TENM4: variants seen among roughly 807,000 people sequenced by gnomAD.
TENM4 encodes teneurin-4.
TENM4 carries 82 observed loss-of-function variants against 243.3 expected under a neutral mutation model. The ratio of observed to expected loss-of-function variants is 0.34; its 90% CI spans 0.28 to 0.40. The LOEUF is 0.40. Ranked by LOEUF, TENM4 falls within the 10% of genes least tolerant of loss-of-function variation. TENM4 has a pLI of 1.00. For synonymous variants in TENM4, 1,412 were observed against 1,456.3 expected, an observed-to-expected ratio of 0.97 and a Z score of 0.69; for missense variants, 3,138 against 3,673.3, an observed-to-expected ratio of 0.85 and a Z score of 3.77.
chr11:78,958,588 G>A (rs1420614545), intron 6 of TENM4, among the ~76,000 whole-genome samples: 2 of 152,206 alleles, frequency 1.3e-5, no homozygotes, highest in Non-Finnish European at 2.9e-5. Context: ...GGTCCTCTTT[G>A]CACTTTACAT....
At chr11:79,000,769 G>C (rs1446413728) in intron 6 of TENM4, among the ~76,000 whole-genome samples, 1 of 152,248 alleles carries the variant, frequency 6.6e-6, no homozygotes, top group Non-Finnish European at 1.5e-5. Context: ...AGCGGCTCAT[G>C]CCTGTAATCC....
intron 18 of TENM4, among the ~76,000 whole-genome samples, chr11:78,760,505 C>T (rs956326068): frequency 6.6e-6 from 1 of 152,210 alleles, no homozygotes. Flanking sequence ...GCGTGAAGCA[C>T]AAAACTTCCC....
chr11:79,106,549 T>C lies in TENM4; in HGVS notation c.-65-36540A>G, dbSNP rs1180861367. 2.6e-5 allele frequency among the ~76,000 whole-genome samples: 4 copies of C among 152,218 alleles called. No individual in the cohort carries two copies. In the East Asian group the frequency reaches 7.7e-4, roughly 29 times the overall value. On this transcript the variant is annotated intron_variant, in intron 4 of 33. Transcript: ENST00000278550. ...AAAGAGCTAAGCAGTGCCTGCCACA[T>C]AGTAGGTGCTTGACAGACGTCGGTC... is the stretch of plus-strand genomic sequence containing the variant.
chr11:79,066,939 G>A (rs1860275813), intron 5 of TENM4, among the ~76,000 whole-genome samples: 1 of 152,216 alleles, frequency 6.6e-6, no homozygotes, highest in African/African-American at 2.4e-5. Context: ...GGCTGGGACA[G>A]CCTTGATGCC....
intron 1 of TENM4, among the ~76,000 whole-genome samples, chr11:79,375,885 A>T (rs530572371): frequency 2.0e-5 from 3 of 152,312 alleles, no homozygotes; most frequent in Admixed American, 2.0e-4. Flanking sequence ...GGCAGTAGGA[A>T]GTTTAGCATT....
intron 3 of TENM4, among the ~76,000 whole-genome samples, chr11:79,204,598 G>T (rs146486546): frequency 1.3e-5 from 2 of 152,262 alleles, no homozygotes; most frequent in East Asian, 3.9e-4. Context: ...TTACCACAAT[G>T]GCAAAAATGC....
chr11:79,064,878 T>C lies in TENM4; in HGVS notation c.353A>G (p.Glu118Gly). 2 of 1,550,290 alleles carry C rather than the reference T, an allele frequency of 1.3e-6. No individual in the cohort carries two copies. Among genetic ancestry groups the C allele is most frequent in the African/African-American group, 1.4e-5 (1 of 73,124 alleles). The part of the protein sequence containing the change: ...SMGAGSDADM[E>G]ADTVLSPEHP... ...CTCAGGGGACAGCACCGTGTCAGCC[T>C]CCATGTCGGCATCAGAGCCAGCCCC... is the stretch of plus-strand genomic sequence containing the variant. Residue 118 changes from glutamate (E) to glycine (G), a missense_variant, in exon 6 of 34, where the codon GAG (glutamate) becomes GGG (glycine). Physicochemically the swap from Glu to Gly is moderately conservative, Grantham distance 98. This residue lies in a region of TENM4 where 671 missense variants were observed against 614.1 expected (regional missense o/e 1.09). Transcript: ENST00000278550.
chr11:79,265,541 CCT>C (rs1491477339), intron 2 of TENM4, among the ~76,000 whole-genome samples: 5 of 80,264 alleles, frequency 6.2e-5, no homozygotes, highest in South Asian at 3.5e-4. Flanking sequence ...ATTAATTTCC[CCT>C]GTTTCTGTTC....
chr11:78,799,690 T>A (rs988400789), intron 15 of TENM4, among the ~76,000 whole-genome samples: 2 of 152,212 alleles, frequency 1.3e-5, no homozygotes, highest in African/African-American at 4.8e-5. Flanking sequence ...ACGTGTTACC[T>A]CCAAACCTGT....
intron 15 of TENM4, among the ~76,000 whole-genome samples, chr11:78,789,105 C>T (rs75090257): frequency 2.6e-5 from 4 of 152,286 alleles, no homozygotes; most frequent in East Asian, 1.9e-4. Flanking sequence ...ACCTCCATCC[C>T]GGGTACCAAG....
intron 6 of TENM4, among the ~76,000 whole-genome samples, chr11:79,030,627 G>A (rs1859204423): frequency 6.6e-6 from 1 of 152,070 alleles, no homozygotes; most frequent in Non-Finnish European, 1.5e-5. Flanking sequence ...CAAGCAGAGT[G>A]AAGCCGTGTG....
rs1332782245 is a variant in TENM4 at position 79,164,122 on chromosome 11, AT to A, written c.-162-15317del. 2.2e-4 allele frequency among the ~76,000 whole-genome samples: 19 copies of A among 85,136 alleles called. No individual in the cohort carries two copies. In the South Asian group the frequency reaches 2.8e-3, roughly 13 times the overall value. The allele number at this position is 85,136 out of a possible 152,430, so 55.9% of individuals were successfully genotyped here. A position where few individuals can be genotyped will look rare whatever the true frequency, so the allele number is the denominator to read the frequency against. ...ATAGTATATATACACTATATATACT[AT>A]GTATATATAGTATATATGTATATAT... is the stretch of plus-strand genomic sequence containing the variant. On this transcript the variant is annotated intron_variant, in intron 3 of 33. Coordinates refer to ENST00000278550, the MANE Select transcript of TENM4 (RefSeq NM_001098816.3).
At chr11:79,413,689 G>T (rs1377354551) in intron 1 of TENM4, among the ~76,000 whole-genome samples, 1 of 152,056 alleles carries the variant, frequency 6.6e-6, no homozygotes, top group East Asian at 1.9e-4. Flanking sequence ...GAAAAAAAAA[G>T]CCATAAAAAC....
At chr11:79,032,302 T>C (rs1468796563) in intron 6 of TENM4, among the ~76,000 whole-genome samples, 2 of 152,110 alleles carry the variant, frequency 1.3e-5, no homozygotes, top group African/African-American at 4.8e-5. Context: ...CCCTTTAGCC[T>C]TCTGGAATTT....
intron 1 of TENM4, among the ~76,000 whole-genome samples, chr11:79,425,975 T>C (rs7930347): frequency 0.62 from 94,347 of 152,006 alleles, 29,366 homozygotes; most frequent in Non-Finnish European, 0.64. Context: ...TGCACAAACA[T>C]GTGCCAAAAT....
intron 1 of TENM4, among the ~76,000 whole-genome samples, chr11:79,399,205 A>C (rs1858406554): frequency 6.6e-6 from 1 of 152,222 alleles, no homozygotes; most frequent in African/African-American, 2.4e-5. Context: ...CAATTTCCTG[A>C]AGGCAAGCCA....
intron 16 of TENM4, among the ~76,000 whole-genome samples, chr11:78,780,783 T>C (rs1856824909): frequency 6.6e-6 from 1 of 152,234 alleles, no homozygotes; most frequent in Non-Finnish European, 1.5e-5. Context: ...ATGTTTTTGA[T>C]ACCTTTAAAA....
At chr11:79,368,741 A>T (rs1294619984) in intron 1 of TENM4, among the ~76,000 whole-genome samples, 1 of 152,234 alleles carries the variant, frequency 6.6e-6, no homozygotes, top group Non-Finnish European at 1.5e-5. Context: ...TGAATAATGC[A>T]GATAAGGAGT....
rs535024052 is a variant in TENM4, at chr11:78,853,534, A to G, written c.1681+570T>C. On this transcript the variant is annotated intron_variant, in intron 12 of 33. Coordinates refer to ENST00000278550, the MANE Select transcript of TENM4 (RefSeq NM_001098816.3). ...TAAGCACTCATTTATTTCGCACATC[A>G]GGGCCCACTCTTTGTCAGAGATTAG... 2.6e-5 allele frequency among the ~76,000 whole-genome samples: 4 copies of G among 152,264 alleles called. No homozygotes were observed. The East Asian group carries it at 7.7e-4, about 29-fold the overall frequency.
Sources: gnomAD v4.1 joint callset for allele counts (sites outside exome capture counted in the v4.1 genomes callset) on GRCh38, gnomAD v4.1.1 for gene constraint, gnomAD v4.1.1 regional missense constraint, MANE v1.5 for transcripts, NCBI Gene and HGNC (gene_info 2026-07-23, HGNC 2026-07-21) for gene names.